The following RALYL variants were observed in gnomAD, a reference collection of about 807,000 sequenced individuals.
RALYL encodes RNA-binding Raly-like protein.
A neutral mutation model predicts 35.1 loss-of-function variants in RALYL; 29 were observed. That is an observed-to-expected ratio of 0.83 (90% confidence interval 0.61 to 1.13). RALYL has a LOEUF of 1.13. Ranked by LOEUF, RALYL falls within the 50% of genes most tolerant of loss-of-function variation. The probability of loss-of-function intolerance (pLI) is 0.00; values close to 1 mark genes in which losing one functional copy is unlikely to be tolerated. For missense variants in RALYL, 359 were observed against 360.4 expected (o/e 1.00, Z 0.03); for synonymous variants, 120 against 127.6 (o/e 0.94, Z 0.40).
At chr8:84,521,531 T>C (rs952108485) in intron 1 of RALYL, among the ~76,000 whole-genome samples, 9 of 152,220 alleles carry the variant, frequency 5.9e-5, no homozygotes, top group Admixed American at 4.6e-4. Flanking sequence ...TGAACCAAGG[T>C]GATGGTTCCT....
At chr8:84,237,537 A>G (rs1826857409) in intron 1 of RALYL, among the ~76,000 whole-genome samples, 1 of 152,142 alleles carries the variant, frequency 6.6e-6, no homozygotes, top group African/African-American at 2.4e-5. Flanking sequence ...TTTTTTAAAT[A>G]CATTTTATTA....
chr8:84,867,289 C>T (rs1306733739), intron 6 of RALYL, among the ~76,000 whole-genome samples: 1 of 152,166 alleles, frequency 6.6e-6, no homozygotes, highest in Non-Finnish European at 1.5e-5. Flanking sequence ...TATTATGGGA[C>T]TTACACTTTT....
intron 8 of RALYL, among the ~76,000 whole-genome samples, chr8:84,918,537 C>A (rs535358221): frequency 2.0e-5 from 3 of 152,074 alleles, no homozygotes; most frequent in South Asian, 4.1e-4. Context: ...GATAAATTAC[C>A]CACTATTCAG....
chr8:84,572,914 A>G (rs1295262542), intron 2 of RALYL, among the ~76,000 whole-genome samples: 1 of 151,182 alleles, frequency 6.6e-6, no homozygotes, highest in Non-Finnish European at 1.5e-5. Flanking sequence ...ATATAATTTT[A>G]TCTCTACTAT....
chr8:84,557,350 G>A (rs187241175), intron 2 of RALYL, among the ~76,000 whole-genome samples: 62 of 152,246 alleles, frequency 4.1e-4, no homozygotes, highest in African/African-American at 1.3e-3. Flanking sequence ...AATTTTCCCC[G>A]TGACTGGACA....
intron 2 of RALYL, among the ~76,000 whole-genome samples, chr8:84,722,635 A>ATATATATATATATATATATATC (rs1844176881): frequency 7.0e-6 from 1 of 143,524 alleles, no homozygotes; most frequent in Non-Finnish European, 1.5e-5. Flanking sequence ...ATATATATAT[A>ATATATATATATATATATATATC]TATATATATA....
chr8:84,426,003 T>C (rs2046389827), intron 1 of RALYL, among the ~76,000 whole-genome samples: 1 of 152,190 alleles, frequency 6.6e-6, no homozygotes, highest in Non-Finnish European at 1.5e-5. Flanking sequence ...TATCCATTTA[T>C]ATAATGTGTA....
At chr8:84,582,156 T>C (rs936732308) in intron 2 of RALYL, among the ~76,000 whole-genome samples, 5 of 152,148 alleles carry the variant, frequency 3.3e-5, no homozygotes, top group Admixed American at 3.3e-4. Context: ...TATATTGTCA[T>C]TCTCCTATCT....
chr8:84,291,902 A>G (rs928982253), intron 1 of RALYL, among the ~76,000 whole-genome samples: 2 of 149,586 alleles, frequency 1.3e-5, no homozygotes, highest in South Asian at 2.1e-4. Flanking sequence ...AATAAAAAAT[A>G]ATATATTCAT....
At chr8:84,785,075 G>T (rs77023395) in intron 3 of RALYL, among the ~76,000 whole-genome samples, 5,289 of 152,220 alleles carry the variant, frequency 0.035, 176 homozygotes, top group East Asian at 0.13. Context: ...TATTACATTG[G>T]AGCTGAAACT....
intron 2 of RALYL, among the ~76,000 whole-genome samples, chr8:84,598,483 C>T (rs1815129568): frequency 1.3e-5 from 2 of 152,086 alleles, no homozygotes; most frequent in African/African-American, 2.4e-5. Flanking sequence ...TTATGAATAT[C>T]GATTTGTGCT....
At chr8:84,734,434 C>A (rs1000569341) in intron 2 of RALYL, among the ~76,000 whole-genome samples, 8 of 151,930 alleles carry the variant, frequency 5.3e-5, no homozygotes, top group Admixed American at 6.6e-5. Flanking sequence ...AAAATAATTC[C>A]TTCACTATTT....
At chr8:84,859,853 A>AAG (rs1472072836) in intron 5 of RALYL, among the ~76,000 whole-genome samples, 3 of 152,180 alleles carry the variant, frequency 2.0e-5, no homozygotes, top group East Asian at 3.9e-4. Flanking sequence ...TCAAAAAAAC[A>AAG]AGAGAGAGAG....
At chr8:84,753,527 T>C (rs904906648) in intron 2 of RALYL, among the ~76,000 whole-genome samples, 1 of 152,182 alleles carries the variant, frequency 6.6e-6, no homozygotes, top group African/African-American at 2.4e-5. Flanking sequence ...CATGTCGAAA[T>C]GTAATTCCCA....
chr8:84,850,723 T>C (rs1835677301), intron 5 of RALYL, among the ~76,000 whole-genome samples: 1 of 152,214 alleles, frequency 6.6e-6, no homozygotes, highest in African/African-American at 2.4e-5. Flanking sequence ...GCATGCCTTC[T>C]CATTTCCTAA....
At chr8:84,291,925 A>G (rs1326896142) in intron 1 of RALYL, among the ~76,000 whole-genome samples, 1 of 149,300 alleles carries the variant, frequency 6.7e-6, no homozygotes, top group South Asian at 2.1e-4. Context: ...ATATAATCTA[A>G]ATATACAAAG....
chr8:84,794,649 A>G (rs1361984617), intron 3 of RALYL, among the ~76,000 whole-genome samples: 1 of 152,128 alleles, frequency 6.6e-6, no homozygotes, highest in Non-Finnish European at 1.5e-5. Flanking sequence ...TAATCCTGTA[A>G]TCATATTGGA....
chr8:84,183,004 T>A (rs1401921903), upstream of RALYL: 1 of 152,694 alleles, frequency 6.5e-6, no homozygotes, highest in Non-Finnish European at 1.5e-5. Flanking sequence ...GCAACAACTT[T>A]GAGGTGAGCA....
rs114091760 is a variant in RALYL, at chr8:84,757,931, T to C, written c.257-16648T>C. 1.9e-3 allele frequency among the ~76,000 whole-genome samples: 296 copies of C among 152,260 alleles called. 1 individual carries two copies. The highest frequency in any genetic ancestry group is 6.7e-3 in the African/African-American group (280 of 41,552). On this transcript the variant is annotated intron_variant, in intron 2 of 8. Coordinates refer to ENST00000521268, the MANE Select transcript of RALYL (RefSeq NM_173848.7). ...CTGGCATGCTTTGTTCCATTAAGTA[T>C]AGACTTATAGGAAAAAGCAAAATAT...
Sources: allele counts gnomAD v4.1 joint callset (sites outside exome capture counted in the v4.1 genomes callset), GRCh38; gene constraint gnomAD v4.1.1; transcripts MANE v1.5; gene names NCBI Gene and HGNC (gene_info 2026-07-23, HGNC 2026-07-21).